Variants in CC2D1B observed in about 807,000 individuals in gnomAD.
CC2D1B encodes the protein coiled-coil and C2 domain containing 1B.
CC2D1B carries 92 observed loss-of-function variants against 110.8 expected under a neutral mutation model. The ratio of observed to expected loss-of-function variants is 0.83; its 90% confidence interval spans 0.70 to 0.99. The LOEUF (loss-of-function observed/expected upper bound fraction) is 0.99. CC2D1B is among the 50% of genes least tolerant of loss of function. The pLI is 0.00. For synonymous variants in CC2D1B, 406 were observed against 429.2 expected (o/e 0.95, Z 0.67); for missense variants, 1,136 against 1,089.0 (o/e 1.04, Z -0.61).
rs1477836486 is a variant in CC2D1B, at chr1:52,358,672, C to T, written c.1330+14G>A. On this transcript the variant is annotated intron_variant, in intron 12 of 24. Coordinates refer to ENST00000284376, the MANE Select transcript of CC2D1B (RefSeq NM_001330585.2). ...CCACCTCCTCACAGAGCCCCTAGGC[C>T]ATGCCCCACTTACCTGGAGGAACAG... is the stretch of plus-strand genomic sequence containing the variant. 1.2e-6 allele frequency: 2 copies of T among 1,612,734 alleles called. No homozygotes were observed. Among genetic ancestry groups the T allele is most frequent in the Admixed American group, 3.4e-5 (2 of 59,626 alleles).
chr1:52,354,378 T>C (rs1557539644), intron 23 of CC2D1B: 1 of 691,488 alleles, frequency 1.4e-6, no homozygotes. Context: ...TGGAATCCAT[T>C]GAGTTCATGG....
In CC2D1B at chr1:52,359,121, A is replaced by G. The variant is rs199937596; in HGVS notation, c.1163T>C (p.Leu388Pro). Residue 388 changes from leucine (L) to proline (P), a missense_variant, in exon 11 of 25, where the codon CTG (leucine) becomes CCG (proline). Transcript: ENST00000284376. ...GCGGTACTTGTTCAGCCTCTGCTGC[A>G]GGGCATCCAGCACTGTCTGTGACTC... is the stretch of plus-strand genomic sequence containing the variant. ...PTESQTVLDALQQRLNKYREA... is the reference protein window; with the variant it reads ...PTESQTVLDAPQQRLNKYREA... The G allele has an allele frequency of 1.2e-6, 2 of 1,610,888 alleles. No individual in the cohort carries two copies. The highest frequency in any genetic ancestry group is 4.5e-5 in the East Asian group (2 of 44,882).
rs559278460 is a variant in CC2D1B, at chr1:52,356,598, C to A, written c.1879-156G>T. The A allele has an allele frequency of 4.1e-6, 3 of 726,938 alleles. No individual in the cohort carries two copies. The South Asian group carries it at 5.3e-5, about 13-fold the overall frequency. The allele number at this position is 726,938 out of a possible 1,614,324, so 45.0% of individuals were successfully genotyped here. On this transcript the variant is annotated intron_variant, in intron 16 of 24. Transcript: ENST00000284376. ...CAAGGGCACTACTCCCAAGTCCCAC[C>A]ACGTTTCTCTGCCTACACTTTTGTC...
chr1:52,354,903 T>G lies in CC2D1B; in HGVS notation c.2276A>C (p.Asn759Thr). 6.2e-7 allele frequency: 1 copy of G among 1,614,114 alleles called. No individual in the cohort carries two copies. The highest frequency in any genetic ancestry group is 8.5e-7 in the Non-Finnish European group (1 of 1,179,998). ...GATCACCCTCTTGAAGCCCCGGTGG[T>G]TTCGGTTGATGTTTAGTTTGAAGAG... ...DQLFKLNINR[N>T]HRGFKRVIQS... is the part of the protein sequence containing the mutation. Residue 759 changes from asparagine to threonine, a missense_variant, in exon 22 of 25, where the codon AAC becomes ACC. By Grantham distance (65) the Asn-to-Thr change is moderately conservative (BLOSUM62 0). Coordinates refer to ENST00000284376, the MANE Select transcript of CC2D1B (RefSeq NM_001330585.2).
Position 52,358,364 on chromosome 1 carries a change from CT to C in CC2D1B, c.1427del (p.Glu476GlyfsTer88), listed in dbSNP as rs1557547440. ...LAAAEKLASA[E>X]DSAPADKDED... ...CGTCTTTATCAGCCGGGGCTGAATC[CT>C]CTGCAGAGGCCAGTTTCTCTGCAGC... On this transcript the variant is annotated frameshift_variant, in exon 13 of 25. Transcript: ENST00000284376. LOFTEE classifies it high-confidence loss of function. 6.2e-7 allele frequency: 1 copy of C among 1,614,162 alleles called. No homozygotes were observed. Among genetic ancestry groups the C allele is most frequent in the South Asian group, 1.1e-5 (1 of 91,084 alleles).
chr1:52,360,313 C>T, intron 6 of CC2D1B, 80 bp from the exon 7 acceptor site: 8 of 1,596,294 alleles, frequency 5.0e-6, no homozygotes, highest in Non-Finnish European at 6.0e-6. Context: ...GGGGTGGCCC[C>T]CCAACCCCCA....
At position 52,360,445 on chromosome 1, in the gene CC2D1B, C is replaced by A. The variant is rs1481701327; in HGVS notation, c.582G>T (p.Arg194Ser). The change falls in exon 6 of 25, where the codon AGG becomes AGT. Residue 194 changes from arginine to serine, a missense_variant. Coordinates refer to ENST00000284376, the MANE Select transcript of CC2D1B (RefSeq NM_001330585.2). ...AKEAGEAAKA[R>S]RCERGLKTLE... Reference sequence around the variant, plus strand: ...TCACCTTCAGGCCGCGCTCGCAGCGCCTGGCTTTGGCTGCTTCGCCTGCCT... The same window carrying A: ...TCACCTTCAGGCCGCGCTCGCAGCGACTGGCTTTGGCTGCTTCGCCTGCCT... The A allele has an allele frequency of 6.2e-7, 1 of 1,613,880 alleles. No homozygotes were observed. Among genetic ancestry groups the A allele is most frequent in the Admixed American group, 1.7e-5 (1 of 60,010 alleles).
At position 52,355,405 on chromosome 1, in the gene CC2D1B, G is replaced by GT; in HGVS notation, c.2231dup (p.Asn744LysfsTer6). On this transcript the variant is annotated frameshift_variant, in exon 21 of 25. Transcript: ENST00000284376. LOFTEE classifies it high-confidence loss of function. ...CCCACGTGTGGCCCTCACCTGGAGA[G>GT]TTTGTGTTCTTCACCACAGCTGTTT... The GT allele has an allele frequency of 6.2e-7, 1 of 1,614,120 alleles. No homozygotes were observed. Among genetic ancestry groups the GT allele is most frequent in the Non-Finnish European group, 8.5e-7 (1 of 1,180,022 alleles).
chr1:52,358,094 A>AGTCTCTCTCCTGCTGG, intron 13 of CC2D1B, 196 bp from the exon 14 acceptor site: 1 of 926,230 alleles, frequency 1.1e-6, no homozygotes, highest in Non-Finnish European at 1.6e-6. Context: ...CCTCCCCAGC[A>AGTCTCTCTCCTGCTGG]GGAGAGAGAC....
At position 52,360,181 on chromosome 1, in the gene CC2D1B, T is replaced by A; in HGVS notation, c.656A>T (p.Asp219Val). Residue 219 changes from aspartate (D) to valine (V), a missense_variant, in exon 7 of 25, where the codon GAT (aspartate) becomes GTT (valine). Transcript: ENST00000284376. ...TAAGGCCACTGGAGGTGGGATCTCATCCTCATTGATCTTTCTGCCTCTCCT... is the reference window on the plus strand; with the variant it reads ...TAAGGCCACTGGAGGTGGGATCTCAACCTCATTGATCTTTCTGCCTCTCCT... The part of the protein sequence containing the change: ...SVRRGRKINE[D>V]EIPPPVALGK... 6.2e-7 allele frequency: 1 copy of A among 1,613,972 alleles called. No individual in the cohort carries two copies. The highest frequency in any genetic ancestry group is 8.5e-7 in the Non-Finnish European group (1 of 1,179,956).
At chr1:52,357,376 G>T in intron 15 of CC2D1B, 150 bp downstream of exon 15, 1 of 942,534 alleles carries the variant, frequency 1.1e-6, no homozygotes. Flanking sequence ...TGAGGTAGAG[G>T]AGTATGAGCA....
Position 52,360,252 on chromosome 1 carries a change from C to T in CC2D1B, c.604-19G>A, listed in dbSNP as rs769629145. On this transcript the variant is annotated intron_variant, in intron 6 of 24. Coordinates refer to ENST00000284376, the MANE Select transcript of CC2D1B (RefSeq NM_001330585.2). Reference sequence around the variant, plus strand: ...CCAAGGTCTGAGGGAGAGAACTGGTCCAGAAACCCAGCCAGCCATCTCAGC... The same window carrying T: ...CCAAGGTCTGAGGGAGAGAACTGGTTCAGAAACCCAGCCAGCCATCTCAGC... 6.2e-7 allele frequency: 1 copy of T among 1,613,130 alleles called. No homozygotes were observed. The highest frequency in any genetic ancestry group is 1.1e-5 in the South Asian group (1 of 90,946).
At position 52,350,705 on chromosome 1, in the gene CC2D1B, C is replaced by G. The variant is rs1376906318; in HGVS notation, c.*2520G>C. 1 of 152,188 alleles carries G rather than the reference C, an allele frequency of 6.6e-6. No individual in the cohort carries two copies. Among genetic ancestry groups the G allele is most frequent in the East Asian group, 1.9e-4 (1 of 5,202 alleles). 9.4% of individuals were successfully genotyped at this position (152,188 alleles called of 1,614,324 possible). A position where few individuals can be genotyped will look rare whatever the true frequency, so the allele number is the denominator to read the frequency against. On this transcript the variant is annotated 3_prime_UTR_variant, in exon 25 of 25. Transcript: ENST00000284376. ...AAAATGATTTGGGTTGTAGCTGGCT[C>G]CCAACTGCAGGTGAGTCACTAATCT...
intron 23 of CC2D1B, 44 bp downstream of exon 23, chr1:52,354,561 CTCT>C (rs1478063261): frequency 6.7e-7 from 1 of 1,497,450 alleles, no homozygotes; most frequent in Admixed American, 1.7e-5. Context: ...TGCGTATTGG[CTCT>C]TGTCGTACCA....
intron 15 of CC2D1B, 113 bp downstream of exon 15, chr1:52,357,412 TG>T: frequency 8.6e-7 from 1 of 1,156,596 alleles, no homozygotes; most frequent in Non-Finnish European, 1.2e-6. Flanking sequence ...GCTGTCATCA[TG>T]CTCTGTCCAA....
Position 52,362,825 on chromosome 1 carries a change from C to T in CC2D1B, c.70-79G>A, listed in dbSNP as rs140301899. ...GCTCCAGAGCCAGACTTGGGGCTCT[C>T]CAAGTCCCAATCAGTGGCTCCTTCA... On this transcript the variant is annotated intron_variant, in intron 2 of 24. Transcript: ENST00000284376. 52 of 1,463,922 alleles carry T rather than the reference C, an allele frequency of 3.6e-5. No homozygotes were observed. In the African/African-American group the frequency reaches 6.9e-4, roughly 19 times the overall value. 90.7% of individuals were successfully genotyped at this position (1,463,922 alleles called of 1,614,324 possible).
In CC2D1B at chr1:52,356,564, A is replaced by G. The variant is rs565644107; in HGVS notation, c.1879-122T>C. Reference sequence around the variant, plus strand: ...GTAGCCTCACCTCTCTCCTCCCACAACACAGCCCCAAGGGCACTACTCCCA... The same window carrying G: ...GTAGCCTCACCTCTCTCCTCCCACAGCACAGCCCCAAGGGCACTACTCCCA... On this transcript the variant is annotated intron_variant, in intron 16 of 24. Coordinates refer to ENST00000284376, the MANE Select transcript of CC2D1B (RefSeq NM_001330585.2). 1.3e-4 allele frequency: 135 copies of G among 1,007,694 alleles called. No individual in the cohort carries two copies. In the African/African-American group the frequency reaches 1.8e-3, roughly 13 times the overall value. The allele number at this position is 1,007,694 out of a possible 1,614,324, so 62.4% of individuals were successfully genotyped here.
At position 52,359,696 on chromosome 1, in the gene CC2D1B, A is replaced by G; in HGVS notation, c.942+9T>C. 3 of 1,590,480 alleles carry G rather than the reference A, an allele frequency of 1.9e-6. No homozygotes were observed. The highest frequency in any genetic ancestry group is 2.6e-6 in the Non-Finnish European group (3 of 1,168,132). Reference sequence around the variant, plus strand: ...AATGAGGGTGGGTGCCCTGAGCCAGATGCCATACCTTCCCAATCCTCATGA... The same window carrying G: ...AATGAGGGTGGGTGCCCTGAGCCAGGTGCCATACCTTCCCAATCCTCATGA... On this transcript the variant is annotated intron_variant, in intron 8 of 24. Coordinates refer to ENST00000284376, the MANE Select transcript of CC2D1B (RefSeq NM_001330585.2).
At chr1:52,360,915 G>A (rs927749193) in intron 5 of CC2D1B, 59 bp downstream of exon 5, 14 of 1,593,354 alleles carry the variant, frequency 8.8e-6, no homozygotes, top group African/African-American at 1.3e-5. Flanking sequence ...GGCCACACAC[G>A]TGTTACGTCT....
Sources: gnomAD v4.1 joint callset for allele counts on GRCh38, gnomAD v4.1.1 for gene constraint, MANE v1.5 for transcripts, NCBI Gene and HGNC (gene_info 2026-07-23, HGNC 2026-07-21) for gene names.